ATRNL1: variants seen among roughly 807,000 people sequenced by gnomAD.
The protein encoded by ATRNL1 is attractin-like protein 1.
A neutral mutation model predicts 182.7 loss-of-function variants in ATRNL1; 95 were observed. The observed-to-expected ratio is 0.52, with a 90% CI of 0.44 to 0.62. ATRNL1 has a LOEUF of 0.62. Ranked by LOEUF, ATRNL1 falls within the 20% of genes least tolerant of loss-of-function variation. ATRNL1 has a pLI of 0.00. For synonymous variants in ATRNL1, 576 were observed against 568.3 expected, an observed-to-expected ratio of 1.01 and a Z score of -0.19; for missense variants, 1,471 against 1,679.5, an observed-to-expected ratio of 0.88 and a Z score of 2.17.
At chr10:115,695,808 A>G (rs1471629747) in intron 26 of ATRNL1, among the ~76,000 whole-genome samples, 4 of 152,164 alleles carry the variant, frequency 2.6e-5, no homozygotes, top group Non-Finnish European at 5.9e-5. Context: ...GCTAAGGACA[A>G]TGTCCTTCAG....
chr10:115,885,391 G>A (rs1352596770), intron 28 of ATRNL1, among the ~76,000 whole-genome samples: 1 of 152,162 alleles, frequency 6.6e-6, no homozygotes, highest in African/African-American at 2.4e-5. Flanking sequence ...CGCCAAGCAA[G>A]TCTCACGGTT....
intron 9 of ATRNL1, among the ~76,000 whole-genome samples, chr10:115,232,414 T>G (rs1280457122): frequency 1.3e-5 from 2 of 152,062 alleles, no homozygotes; most frequent in Non-Finnish European, 2.9e-5. Flanking sequence ...TTCACCCATA[T>G]TGTCATATGT....
Position 115,160,024 on chromosome 10 carries a change from A to AT in ATRNL1, c.830-6dup, listed in dbSNP as rs35831651. ...TTTGTTTAATCTAGTGTGTTGTTTC[A>AT]TTTTTTTTTTAATAGGTCCTGATTG... On this transcript the variant is annotated splice_polypyrimidine_tract_variant and intron_variant, in intron 5 of 28. Coordinates refer to ENST00000355044, the MANE Select transcript of ATRNL1 (RefSeq NM_207303.4). 6,432 of 1,339,850 alleles carry AT rather than the reference A, an allele frequency of 4.8e-3. No homozygotes were observed. The highest frequency in any genetic ancestry group is 0.01 in the South Asian group (691 of 68,930). The allele number at this position is 1,339,850 out of a possible 1,614,324, so 83.0% of individuals were successfully genotyped here. A position where few individuals can be genotyped will look rare whatever the true frequency, so the allele number is the denominator to read the frequency against.
intron 18 of ATRNL1, among the ~76,000 whole-genome samples, chr10:115,324,639 T>C (rs782237412): frequency 1.4e-4 from 21 of 152,354 alleles, no homozygotes; most frequent in Non-Finnish European, 2.6e-4. Context: ...ATGTTTTTCT[T>C]TCATAAACAT....
intron 7 of ATRNL1, among the ~76,000 whole-genome samples, chr10:115,168,598 A>G (rs976117367): frequency 6.6e-5 from 10 of 151,970 alleles, no homozygotes; most frequent in African/African-American, 2.4e-5. Flanking sequence ...GCTTTTGGCC[A>G]TTTGTATATT....
intron 19 of ATRNL1, among the ~76,000 whole-genome samples, chr10:115,344,944 G>A (rs1174454228): frequency 2.6e-5 from 4 of 152,188 alleles, no homozygotes; most frequent in Non-Finnish European, 5.9e-5. Context: ...GCTAAGACCT[G>A]GAAGGAGGGC....
rs1425802443 is a variant in ATRNL1, at chr10:115,326,995, A to G, written c.3038-7287A>G. On this transcript the variant is annotated intron_variant, in intron 18 of 28. Coordinates refer to ENST00000355044, the MANE Select transcript of ATRNL1 (RefSeq NM_207303.4). ...TCATAAAAACCCTAGAAGAAAACCTAGGCATTACCATTCAGGACATAGGCA... is the reference window on the plus strand; with the variant it reads ...TCATAAAAACCCTAGAAGAAAACCTGGGCATTACCATTCAGGACATAGGCA... Among the ~76,000 whole-genome samples, 19 of 152,252 alleles carry G rather than the reference A, an allele frequency of 1.2e-4. No individual in the cohort carries two copies. The South Asian group carries it at 3.3e-3, about 27-fold the overall frequency.
At chr10:115,916,088 C>T (rs1339210735) in intron 28 of ATRNL1, among the ~76,000 whole-genome samples, 2 of 152,208 alleles carry the variant, frequency 1.3e-5, no homozygotes, top group Non-Finnish European at 2.9e-5. Flanking sequence ...TTTGCAGGCA[C>T]ATAGGTGAGT....
chr10:115,838,861 A>T (rs1380789679), intron 27 of ATRNL1, among the ~76,000 whole-genome samples: 2 of 152,152 alleles, frequency 1.3e-5, no homozygotes, highest in African/African-American at 4.8e-5. Context: ...TTTCTGGGAA[A>T]ACTCTGTAAT....
At chr10:115,563,897 TAAA>T (rs1853915196) in intron 26 of ATRNL1, among the ~76,000 whole-genome samples, 1 of 152,050 alleles carries the variant, frequency 6.6e-6, no homozygotes, top group Non-Finnish European at 1.5e-5. Context: ...GAGGATATCT[TAAA>T]ATAATATAAT....
intron 21 of ATRNL1, among the ~76,000 whole-genome samples, chr10:115,459,439 G>C (rs1452558324): frequency 6.6e-6 from 1 of 152,128 alleles, no homozygotes; most frequent in Non-Finnish European, 1.5e-5. Context: ...GTAGGTCTCT[G>C]AACTGGCCCT....
chr10:115,235,579 T>C (rs571406746), intron 9 of ATRNL1, among the ~76,000 whole-genome samples: 1 of 152,292 alleles, frequency 6.6e-6, no homozygotes, highest in Non-Finnish European at 1.5e-5. Flanking sequence ...ATTGTTTTTG[T>C]TATGACTGAA....
chr10:115,688,603 T>G (rs1946293804), intron 26 of ATRNL1, among the ~76,000 whole-genome samples: 1 of 152,174 alleles, frequency 6.6e-6, no homozygotes, highest in South Asian at 2.1e-4. Context: ...ATTGGCCATC[T>G]TTATGTCTTC....
chr10:115,180,396 T>C (rs914012466), intron 8 of ATRNL1, among the ~76,000 whole-genome samples: 1 of 152,026 alleles, frequency 6.6e-6, no homozygotes, highest in Non-Finnish European at 1.5e-5. Flanking sequence ...CATGTCATTA[T>C]ATATTGCTGC....
chr10:115,875,410 T>C (rs1259172757), intron 28 of ATRNL1, among the ~76,000 whole-genome samples: 2 of 152,156 alleles, frequency 1.3e-5, no homozygotes, highest in African/African-American at 4.8e-5. Flanking sequence ...CCAGATCAGA[T>C]ACCATTCTGT....
intron 26 of ATRNL1, among the ~76,000 whole-genome samples, chr10:115,651,063 G>A (rs78637210): frequency 0.024 from 3,588 of 152,174 alleles, 126 homozygotes; most frequent in African/African-American, 0.081. Flanking sequence ...TGAATGTTCC[G>A]CTGACTTGCT....
At chr10:115,184,329 C>T (rs1847857087) in intron 8 of ATRNL1, among the ~76,000 whole-genome samples, 1 of 151,160 alleles carries the variant, frequency 6.6e-6, no homozygotes, top group Admixed American at 6.6e-5. Flanking sequence ...AACAAGCGTG[C>T]ACACTATCTC....
intron 27 of ATRNL1, among the ~76,000 whole-genome samples, chr10:115,741,690 G>A (rs1052277652): frequency 2.0e-5 from 3 of 152,128 alleles, no homozygotes; most frequent in Non-Finnish European, 4.4e-5. Flanking sequence ...AAATGTTAAG[G>A]TGCAAATATT....
intron 10 of ATRNL1, among the ~76,000 whole-genome samples, chr10:115,244,052 T>C (rs1197695466): frequency 6.6e-6 from 1 of 152,064 alleles, no homozygotes; most frequent in Non-Finnish European, 1.5e-5. Flanking sequence ...CCTCATGGAG[T>C]ATGTTTTTGT....
Sources: gnomAD v4.1 joint callset for allele counts (sites outside exome capture counted in the v4.1 genomes callset) on GRCh38, gnomAD v4.1.1 for gene constraint, MANE v1.5 for transcripts, NCBI Gene and HGNC (gene_info 2026-07-23, HGNC 2026-07-21) for gene names.